The following INTS9 variants were observed in gnomAD, a reference collection of about 807,000 sequenced individuals.
INTS9 encodes protein related to CPSF subunits of 74 kDa.
INTS9 carries 55 observed loss-of-function variants against 79.7 expected under a neutral mutation model. The ratio of observed to expected loss-of-function variants is 0.69; its 90% CI spans 0.56 to 0.86. The LOEUF is 0.86. Among genes scored for constraint, INTS9 ranks in the 40% least tolerant of loss-of-function variants. The pLI is 0.00. For synonymous variants in INTS9, 319 were observed against 325.2 expected (o/e 0.98, Z 0.20); for missense variants, 721 against 831.5 (o/e 0.87, Z 1.64).
chr8:28,770,216 A>G (rs757466108), intron 15 of INTS9, among the ~76,000 whole-genome samples, 190 bp from the exon 16 acceptor site: 2 of 152,214 alleles, frequency 1.3e-5, no homozygotes, highest in Non-Finnish European at 1.5e-5. Flanking sequence ...CTAATGCTCA[A>G]CTGTCCAGCC....
intron 12 of INTS9, 92 bp from the exon 13 acceptor site, chr8:28,778,045 AGTCAGGGG>A: frequency 2.9e-6 from 4 of 1,384,556 alleles, no homozygotes; most frequent in Non-Finnish European, 2.9e-6. Context: ...GCCCACAGAC[AGTCAGGGG>A]GTCAGGAGGG....
chr8:28,857,647 G>A (rs1585485606), intron 2 of INTS9, among the ~76,000 whole-genome samples: 2 of 152,092 alleles, frequency 1.3e-5, no homozygotes, highest in South Asian at 2.1e-4. Context: ...AAAAAGTGAC[G>A]AGTATGGAAT....
chr8:28,773,569 T>C (rs989682120), intron 14 of INTS9, among the ~76,000 whole-genome samples: 2 of 150,938 alleles, frequency 1.3e-5, no homozygotes, highest in African/African-American at 2.4e-5. Context: ...TTTTTTTTCT[T>C]GAGACGGAGT....
At position 28,868,516 on chromosome 8, in the gene INTS9, G is replaced by A. The variant is rs10095451; in HGVS notation, c.10-8953C>T. Among the ~76,000 whole-genome samples the A allele has an allele frequency of 7.0e-3, 1,068 of 151,922 alleles. 9 individuals are homozygous for A. The highest frequency in any genetic ancestry group is 0.025 in the African/African-American group (1,019 of 41,446). On this transcript the variant is annotated intron_variant, in intron 1 of 16. Transcript: ENST00000521022. ...GTAAATGACATCACCAATTTTTTCC[G>A]TTTTCTATTTAACCAACCCATGCAT...
At chr8:28,807,604 C>T (rs1444853107) in intron 8 of INTS9, among the ~76,000 whole-genome samples, 1 of 152,190 alleles carries the variant, frequency 6.6e-6, no homozygotes, top group African/African-American at 2.4e-5. Context: ...CAGTTCACTA[C>T]ATTAATGGTC....
chr8:28,876,067 T>C (rs755782797), intron 1 of INTS9, among the ~76,000 whole-genome samples: 31 of 152,204 alleles, frequency 2.0e-4, no homozygotes, highest in Non-Finnish European at 3.8e-4. Context: ...ATGGAGATTT[T>C]TTTTTGGGGG....
At chr8:28,827,250 T>G (rs1806198783) in intron 6 of INTS9, among the ~76,000 whole-genome samples, 1 of 152,242 alleles carries the variant, frequency 6.6e-6, no homozygotes, top group South Asian at 2.1e-4. Context: ...GCTTTGTTCT[T>G]ACCACACTTG....
intron 3 of INTS9, 110 bp downstream of exon 3, chr8:28,850,103 A>AG: frequency 1.4e-6 from 1 of 731,792 alleles, no homozygotes; most frequent in Non-Finnish European, 2.3e-6. Context: ...ATTTTCAGAG[A>AG]GGAAAAAAAA....
chr8:28,866,962 G>A (rs1466907587), intron 1 of INTS9, among the ~76,000 whole-genome samples: 9 of 143,126 alleles, frequency 6.3e-5, no homozygotes, highest in Admixed American at 1.4e-4. Flanking sequence ...GTGACAGAGC[G>A]AAACTGTCAA....
intron 3 of INTS9, among the ~76,000 whole-genome samples, chr8:28,848,439 T>G (rs7010596): frequency 0.46 from 70,404 of 152,000 alleles, 17,883 homozygotes; most frequent in Non-Finnish European, 0.57. Flanking sequence ...ATAGACAATT[T>G]CCTCCCCTTG....
chr8:28,882,672 A>G (rs900326339), intron 1 of INTS9, among the ~76,000 whole-genome samples: 2 of 152,092 alleles, frequency 1.3e-5, no homozygotes, highest in African/African-American at 4.8e-5. Flanking sequence ...CTTCATAAAC[A>G]TCAGTGATGA....
intron 14 of INTS9, among the ~76,000 whole-genome samples, chr8:28,771,335 C>G (rs541128073): frequency 7.3e-4 from 111 of 152,238 alleles, no homozygotes; most frequent in African/African-American, 2.6e-3. Context: ...GGGACAGCAG[C>G]ATGGCGGTTG....
At chr8:28,841,391 G>C (rs1172117096) in intron 4 of INTS9, among the ~76,000 whole-genome samples, 1 of 152,194 alleles carries the variant, frequency 6.6e-6, no homozygotes, top group Non-Finnish European at 1.5e-5. Context: ...CAACAATAAA[G>C]CTAAAAATCA....
At chr8:28,889,835 G>A (rs1462627441) in intron 1 of INTS9, 39 bp downstream of exon 1, 1 of 1,611,496 alleles carries the variant, frequency 6.2e-7, no homozygotes, top group Non-Finnish European at 8.5e-7. Context: ...AAAGGTTATA[G>A]CATCACCTTT....
intron 6 of INTS9, among the ~76,000 whole-genome samples, chr8:28,814,282 T>TCTCA (rs1363009399): frequency 1.1e-5 from 1 of 88,084 alleles, no homozygotes; most frequent in Non-Finnish European, 2.2e-5. Flanking sequence ...GAACAGGGCT[T>TCTCA]CTCACACACA....
chr8:28,873,857 C>A (rs915863289), intron 1 of INTS9, among the ~76,000 whole-genome samples: 2 of 152,200 alleles, frequency 1.3e-5, no homozygotes, highest in African/African-American at 4.8e-5. Flanking sequence ...TCTTCCTCAA[C>A]AGAGATGAAA....
At chr8:28,868,809 A>G (rs1343924344) in intron 1 of INTS9, among the ~76,000 whole-genome samples, 1 of 152,138 alleles carries the variant, frequency 6.6e-6, no homozygotes, top group East Asian at 1.9e-4. Flanking sequence ...GCTCTTTATA[A>G]CTGACTTTCT....
At chr8:28,886,767 C>T (rs1473099513) in intron 1 of INTS9, among the ~76,000 whole-genome samples, 4 of 152,162 alleles carry the variant, frequency 2.6e-5, no homozygotes, top group Non-Finnish European at 5.9e-5. Context: ...ACTTACTTCA[C>T]CTCCCTGAAG....
At chr8:28,814,284 T>TCACA (rs60850682) in intron 6 of INTS9, among the ~76,000 whole-genome samples, 4,912 of 134,134 alleles carry the variant, frequency 0.037, 115 homozygotes, top group African/African-American at 0.064. Context: ...ACAGGGCTTC[T>TCACA]CACACACACA....
Sources: allele counts gnomAD v4.1 joint callset (sites outside exome capture counted in the v4.1 genomes callset), GRCh38; gene constraint gnomAD v4.1.1; transcripts MANE v1.5; gene names NCBI Gene and HGNC (gene_info 2026-07-23, HGNC 2026-07-21).